The following RNF182 variants were observed in gnomAD, a reference collection of about 807,000 sequenced individuals.
RNF182 encodes ring finger protein 182.
RNF182 carries 15 observed loss-of-function variants against 14.4 expected under a neutral mutation model. The observed-to-expected ratio is 1.04, with a 90% CI of 0.70 to 1.60. RNF182 has a LOEUF of 1.60. Ranked by LOEUF, RNF182 falls within the 40% of genes most tolerant of loss-of-function variation. RNF182 has a pLI of 0.00. For synonymous variants in RNF182, 128 were observed against 122.9 expected, an observed-to-expected ratio of 1.04 and a Z score of -0.27; for missense variants, 268 against 294.8, an observed-to-expected ratio of 0.91 and a Z score of 0.67.
chr6:13,948,280 T>C lies in RNF182; in HGVS notation c.-367+23257T>C, dbSNP rs144092403. On this transcript the variant is annotated intron_variant, in intron 1 of 2. Coordinates refer to ENST00000488300, the MANE Select transcript of RNF182 (RefSeq NM_152737.4). ...CTATAACTGATTATAAACTGCCTTT[T>C]GAAGAGAATCAAAACAAGACAATTG... Among the ~76,000 whole-genome samples, 5 of 152,294 alleles carry C rather than the reference T, an allele frequency of 3.3e-5. 1 individual carries two copies. The highest frequency in any genetic ancestry group is 4.8e-5 in the African/African-American group (2 of 41,576).
At chr6:13,927,708 TTTA>T (rs1758863091) in intron 1 of RNF182, among the ~76,000 whole-genome samples, 1 of 152,272 alleles carries the variant, frequency 6.6e-6, no homozygotes, top group South Asian at 2.1e-4. Flanking sequence ...CACTGAAGCC[TTTA>T]TTGACTGTTT....
rs967697648 is a variant in RNF182, at chr6:13,977,770, C to T, written c.651C>T (p.Ser217=). The T allele has an allele frequency of 1.9e-6, 3 of 1,614,004 alleles. No individual in the cohort carries two copies. The highest frequency in any genetic ancestry group is 2.2e-5 in the East Asian group (1 of 44,880). Residue 217 remains serine (S), a synonymous_variant, in exon 3 of 3, where the codon AGC becomes AGT. Coordinates refer to ENST00000488300, the MANE Select transcript of RNF182 (RefSeq NM_152737.4). ...KKVTLGVVFV[S]LVPSSLVILM... is the part of the protein sequence containing the mutation. ...TCACCCTTGGGGTCGTCTTTGTCAGCCTGGTCCCTTCGAGCCTCGTTATTC... is the reference window on the plus strand; with the variant it reads ...TCACCCTTGGGGTCGTCTTTGTCAGTCTGGTCCCTTCGAGCCTCGTTATTC...
In RNF182 at chr6:13,978,606, G is replaced by C. The variant is rs280164; in HGVS notation, c.*743G>C. 5 of 166,708 alleles carry C rather than the reference G, an allele frequency of 3.0e-5. No individual in the cohort carries two copies. The highest frequency in any genetic ancestry group is 1.2e-4 in the African/African-American group (5 of 41,340). The allele number at this position is 166,708 out of a possible 1,614,324, so 10.3% of individuals were successfully genotyped here. A position where few individuals can be genotyped will look rare whatever the true frequency, so the allele number is the denominator to read the frequency against. The stretch of plus-strand genomic sequence containing the variant: ...CTTATCTGAGAAGAATGGAGGAGAA[G>C]GAACTTCTCATACAGCGGTTATTAT... On this transcript the variant is annotated 3_prime_UTR_variant, in exon 3 of 3. Transcript: ENST00000488300.
In RNF182 at chr6:13,977,040, A is replaced by G; in HGVS notation, c.-80A>G. ...TGCATCGCTGCCAGATTTGGATGAT[A>G]TGATATTCAGAGGGGCACCTTAATC... On this transcript the variant is annotated 5_prime_UTR_variant, in exon 3 of 3. In the 5' UTR this introduces an upstream ATG that the reference lacks. Transcript: ENST00000488300. The G allele has an allele frequency of 7.1e-7, 1 of 1,414,012 alleles. No individual in the cohort carries two copies. The highest frequency in any genetic ancestry group is 2.3e-5 in the East Asian group (1 of 43,636). 87.6% of individuals were successfully genotyped at this position (1,414,012 alleles called of 1,614,324 possible).
Position 13,977,489 on chromosome 6 carries a change from A to G in RNF182, c.370A>G (p.Thr124Ala). 1.9e-6 allele frequency: 3 copies of G among 1,614,140 alleles called. No homozygotes were observed. The highest frequency in any genetic ancestry group is 1.3e-5 in the African/African-American group (1 of 75,038). Residue 124 changes from threonine to alanine, a missense_variant, in exon 3 of 3, where the codon ACG becomes GCG. Coordinates refer to ENST00000488300, the MANE Select transcript of RNF182 (RefSeq NM_152737.4). ...GGCCTCTCTGGTCAGTCCTTCTCAC[A>G]CGTCCTCCAACTGCCTGGTCATAAC... ...RLASLVSPSH[T>A]SSNCLVITIM...
chr6:13,975,018 T>A (rs1276005695), intron 2 of RNF182, among the ~76,000 whole-genome samples: 1 of 152,268 alleles, frequency 6.6e-6, no homozygotes, highest in South Asian at 2.1e-4. Context: ...TCCATTTGGG[T>A]GGGCTGAAGT....
At chr6:13,972,704 T>C (rs1250871573) in intron 1 of RNF182, among the ~76,000 whole-genome samples, 1 of 152,028 alleles carries the variant, frequency 6.6e-6, no homozygotes, top group Non-Finnish European at 1.5e-5. Flanking sequence ...AGCCTGTGGG[T>C]GCACAGAAGT....
chr6:13,935,304 CT>C (rs35600837), intron 1 of RNF182, among the ~76,000 whole-genome samples: 3 of 150,106 alleles, frequency 2.0e-5, no homozygotes, highest in East Asian at 2.0e-4. Flanking sequence ...GAAACAATGT[CT>C]TTTTTTTTTC....
Position 13,925,555 on chromosome 6 carries a change from C to A in RNF182, c.-367+532C>A, listed in dbSNP as rs560024175. 1.1e-4 allele frequency among the ~76,000 whole-genome samples: 16 copies of A among 152,166 alleles called. No homozygotes were observed. The South Asian group carries it at 1.9e-3, about 18-fold the overall frequency. ...TCGTTTGGATATTGAATCGAAAGACCTTTTTTTCTTTGGAAGGTGCAGTTG... is the reference window on the plus strand; with the variant it reads ...TCGTTTGGATATTGAATCGAAAGACATTTTTTTCTTTGGAAGGTGCAGTTG... On this transcript the variant is annotated intron_variant, in intron 1 of 2. Transcript: ENST00000488300.
At chr6:13,940,843 A>G (rs1339793528) in intron 1 of RNF182, among the ~76,000 whole-genome samples, 1 of 152,028 alleles carries the variant, frequency 6.6e-6, no homozygotes, top group Non-Finnish European at 1.5e-5. Flanking sequence ...AAGTTATTAG[A>G]CATTTATTAC....
At chr6:13,961,960 A>G (rs981231112) in intron 1 of RNF182, among the ~76,000 whole-genome samples, 1 of 152,006 alleles carries the variant, frequency 6.6e-6, no homozygotes, top group Non-Finnish European at 1.5e-5. Context: ...TGAGTTGGAG[A>G]CTTTTATTAT....
chr6:13,954,949 C>T (rs545805614), intron 1 of RNF182, among the ~76,000 whole-genome samples: 2 of 152,270 alleles, frequency 1.3e-5, no homozygotes, highest in East Asian at 3.9e-4. Context: ...GCTGCCTTGT[C>T]CCTCCCTTTG....
At chr6:13,969,474 G>C (rs991272764) in intron 1 of RNF182, among the ~76,000 whole-genome samples, 9 of 152,258 alleles carry the variant, frequency 5.9e-5, no homozygotes, top group Non-Finnish European at 8.8e-5. Context: ...TTTGTAATTT[G>C]AGTGAGTAGG....
intron 1 of RNF182, among the ~76,000 whole-genome samples, chr6:13,934,089 A>G (rs551973955): frequency 6.6e-6 from 1 of 152,336 alleles, no homozygotes; most frequent in Non-Finnish European, 1.5e-5. Context: ...TTGCAGGAAA[A>G]GTATTTTTCA....
At chr6:13,955,431 G>T (rs1759702245) in intron 1 of RNF182, among the ~76,000 whole-genome samples, 1 of 152,222 alleles carries the variant, frequency 6.6e-6, no homozygotes, top group African/African-American at 2.4e-5. Context: ...ATAAATTCTT[G>T]TGTCTTTCCC....
intron 1 of RNF182, among the ~76,000 whole-genome samples, chr6:13,953,185 A>G (rs1292904455): frequency 1.3e-5 from 2 of 152,150 alleles, no homozygotes; most frequent in African/African-American, 2.4e-5. Context: ...CTAGCCTCCT[A>G]GGAATGCAGC....
intron 1 of RNF182, among the ~76,000 whole-genome samples, chr6:13,967,908 C>T (rs1447666060): frequency 2.0e-5 from 3 of 151,958 alleles, no homozygotes; most frequent in Non-Finnish European, 4.4e-5. Context: ...AATCACAAGC[C>T]ATCTAGAAAT....
intron 1 of RNF182, among the ~76,000 whole-genome samples, chr6:13,930,243 A>T (rs980236585): frequency 1.3e-5 from 2 of 152,230 alleles, no homozygotes; most frequent in African/African-American, 4.8e-5. Flanking sequence ...ACATGGCAGG[A>T]TGTACATAGG....
At position 13,977,369 on chromosome 6, in the gene RNF182, GACA is replaced by G. The variant is rs768511046; in HGVS notation, c.257_259del (p.Asn86del). The G allele has an allele frequency of 3.3e-5, 54 of 1,614,192 alleles. No individual in the cohort carries two copies. Among genetic ancestry groups the G allele is most frequent in the Non-Finnish European group, 4.2e-5 (49 of 1,180,034 alleles). ...TGATGAAGTTAGTAGCCTGCCCGAT[GACA>G]ACAACATCCTTGTAAACTTGACTTG... is the stretch of plus-strand genomic sequence containing the variant. On this transcript the variant is annotated inframe_deletion, in exon 3 of 3. Transcript: ENST00000488300.
Sources: allele counts gnomAD v4.1 joint callset (sites outside exome capture counted in the v4.1 genomes callset), GRCh38; gene constraint gnomAD v4.1.1; transcripts MANE v1.5; gene names NCBI Gene and HGNC (gene_info 2026-07-23, HGNC 2026-07-21).